The following LDLRAP1 variants were observed in gnomAD, a reference collection of about 807,000 sequenced individuals.
LDLRAP1 encodes low density lipoprotein receptor adapter protein 1.
A neutral mutation model predicts 37.8 loss-of-function variants in LDLRAP1; 30 were observed. That is an observed-to-expected ratio of 0.79 (90% CI 0.59 to 1.08). LDLRAP1 has a LOEUF of 1.08. Ranked by LOEUF, LDLRAP1 falls within the 50% of genes least tolerant of loss-of-function variation. LDLRAP1 has a pLI of 0.00. For synonymous variants in LDLRAP1, 156 were observed against 169.8 expected (o/e 0.92, Z 0.63); for missense variants, 375 against 401.6 (o/e 0.93, Z 0.57).
chr1:25,562,065 G>A (rs1197621051), intron 4 of LDLRAP1, among the ~76,000 whole-genome samples: 1 of 152,164 alleles, frequency 6.6e-6, no homozygotes, highest in Non-Finnish European at 1.5e-5. Context: ...TGGTCCCCGG[G>A]CCTTCATTGA....
chr1:25,560,354 G>T (rs930971694), intron 4 of LDLRAP1, among the ~76,000 whole-genome samples: 1 of 152,040 alleles, frequency 6.6e-6, no homozygotes, highest in Non-Finnish European at 1.5e-5. Context: ...GGGGAGAAAG[G>T]CTCCTTTCTA....
the LDLRAP1 span, among the ~76,000 whole-genome samples, chr1:25,577,250 G>C: frequency 6.6e-6 from 1 of 152,220 alleles, no homozygotes; most frequent in Non-Finnish European, 1.5e-5. Context: ...CTGATGAACG[G>C]AGCTGAGGAG....
At chr1:25,588,913 C>T in the LDLRAP1 span, among the ~76,000 whole-genome samples, 2 of 152,272 alleles carry the variant, frequency 1.3e-5, no homozygotes, top group East Asian at 1.9e-4. Context: ...CCATTTCCAT[C>T]TTGTCTTTAG....
the LDLRAP1 span, among the ~76,000 whole-genome samples, chr1:25,589,928 C>T: frequency 6.6e-6 from 1 of 152,324 alleles, no homozygotes; most frequent in South Asian, 2.1e-4. Context: ...TGGTGAAACC[C>T]CGTCTCTACT....
At chr1:25,559,635 G>T (rs976113434) in intron 4 of LDLRAP1, among the ~76,000 whole-genome samples, 3 of 152,158 alleles carry the variant, frequency 2.0e-5, no homozygotes, top group Non-Finnish European at 4.4e-5. Context: ...GGGGCCCTGC[G>T]GAGCCCTCTC....
chr1:25,557,191 T>G lies in LDLRAP1; in HGVS notation c.383T>G (p.Val128Gly). The part of the protein sequence containing the change: ...YCTADKMHDK[V>G]FAYIAQSQHN... ...ACAGCAGACAAGATGCACGACAAGG[T>G]GTTTGCATACATCGCCCAGAGCCAG... is the stretch of plus-strand genomic sequence containing the variant. The change falls in exon 4 of 9, where the codon GTG (valine) becomes GGG (glycine). Residue 128 changes from valine to glycine, a missense_variant. Val to Gly is a moderately radical substitution (Grantham distance 109). Transcript: ENST00000374338. 3 of 1,613,950 alleles carry G rather than the reference T, an allele frequency of 1.9e-6. No individual in the cohort carries two copies. The highest frequency in any genetic ancestry group is 2.5e-6 in the Non-Finnish European group (3 of 1,179,976).
Position 25,567,551 on chromosome 1 carries a change from G to A in LDLRAP1, c.*559G>A, listed in dbSNP as rs1172098954. 1 of 211,290 alleles carries A rather than the reference G, an allele frequency of 4.7e-6. No homozygotes were observed. The highest frequency in any genetic ancestry group is 5.3e-5 in the Admixed American group (1 of 18,742). The allele number at this position is 211,290 out of a possible 1,614,324, so 13.1% of individuals were successfully genotyped here. A position where few individuals can be genotyped will look rare whatever the true frequency, so the allele number is the denominator to read the frequency against. On this transcript the variant is annotated 3_prime_UTR_variant, in exon 9 of 9. Transcript: ENST00000374338. ...GCGGGGGTTTGAGCCCTGGACCCCAGGCTCTTAGAGACTAAGGGGCAGCTC... is the reference window on the plus strand; with the variant it reads ...GCGGGGGTTTGAGCCCTGGACCCCAAGCTCTTAGAGACTAAGGGGCAGCTC...
chr1:25,552,942 A>G (rs1281604999), intron 1 of LDLRAP1, among the ~76,000 whole-genome samples: 2 of 152,208 alleles, frequency 1.3e-5, no homozygotes, highest in Non-Finnish European at 2.9e-5. Flanking sequence ...TGTTAGTCCC[A>G]AAGAGGAGAG....
intron 4 of LDLRAP1, among the ~76,000 whole-genome samples, chr1:25,560,885 T>A (rs2044327022): frequency 1.3e-5 from 2 of 152,186 alleles, no homozygotes; most frequent in Non-Finnish European, 2.9e-5. Flanking sequence ...CTCGGATCCC[T>A]GCAGCCACCC....
In LDLRAP1 at chr1:25,557,715, G is replaced by C. The variant is rs551983181; in HGVS notation, c.459+448G>C. ...GACTGGAGTGTGGAGGGCAATGGCT[G>C]TTTCTTGGTGCCTCCTGTGAGTTCA... On this transcript the variant is annotated intron_variant, in intron 4 of 8. Transcript: ENST00000374338. 1.9e-3 allele frequency among the ~76,000 whole-genome samples: 283 copies of C among 152,128 alleles called. 1 individual carries two copies. Among genetic ancestry groups the C allele is most frequent in the Non-Finnish European group, 3.0e-3 (206 of 67,994 alleles).
At chr1:25,570,862 A>G (rs2044595691), downstream of LDLRAP1, among the ~76,000 whole-genome samples, 2 of 152,096 alleles carry the variant, frequency 1.3e-5, no homozygotes, top group African/African-American at 4.8e-5. Context: ...CCTTCTCAAA[A>G]TAAAAATAAA....
chr1:25,550,069 T>C (rs74060915), intron 1 of LDLRAP1: 6,821 of 152,144 alleles, frequency 0.045, 502 homozygotes, highest in African/African-American at 0.15. Flanking sequence ...TAGGCAGTGC[T>C]TGGCAGTGGG....
chr1:25,582,443 G>A, the LDLRAP1 span, among the ~76,000 whole-genome samples: 1 of 151,920 alleles, frequency 6.6e-6, no homozygotes, highest in Non-Finnish European at 1.5e-5. Context: ...AACTTAGCTG[G>A]GCATGGTGGC....
chr1:25,577,264 C>T, the LDLRAP1 span, among the ~76,000 whole-genome samples: 1 of 152,252 alleles, frequency 6.6e-6, no homozygotes, highest in African/African-American at 2.4e-5. Context: ...TGAGGAGAGC[C>T]TTGCTGAGTG....
chr1:25,559,320 G>A (rs552070352), intron 4 of LDLRAP1, among the ~76,000 whole-genome samples: 1 of 152,304 alleles, frequency 6.6e-6, no homozygotes, highest in African/African-American at 2.4e-5. Flanking sequence ...TCTGGGATGA[G>A]GGGTCTGGGA....
the LDLRAP1 span, among the ~76,000 whole-genome samples, chr1:25,575,133 C>A: frequency 6.6e-6 from 1 of 152,146 alleles, no homozygotes; most frequent in Admixed American, 6.5e-5. Context: ...AAGGCTGGAC[C>A]AGGGCTCTCA....
At chr1:25,546,505 C>G (rs2043936997) in intron 1 of LDLRAP1, among the ~76,000 whole-genome samples, 1 of 152,190 alleles carries the variant, frequency 6.6e-6, no homozygotes, top group African/African-American at 2.4e-5. Context: ...ATGGCTTTTC[C>G]TATCCCCTGG....
rs1056299445 is a variant in LDLRAP1, at chr1:25,549,750, C to T, written c.89-4172C>T. 9.6e-5 allele frequency among the ~76,000 whole-genome samples: 11 copies of T among 114,638 alleles called. No homozygotes were observed. The East Asian group carries it at 2.0e-3, about 21-fold the overall frequency. 75.2% of individuals were successfully genotyped at this position (114,638 alleles called of 152,430 possible). On this transcript the variant is annotated intron_variant, in intron 1 of 8. Coordinates refer to ENST00000374338, the MANE Select transcript of LDLRAP1 (RefSeq NM_015627.3). ...CTCCGGCTGTGGCTGGCGAGTAGGG[C>T]GGGTGGCGGGTGTGGCCCTGAGCCC...
At chr1:25,578,409 G>A in the LDLRAP1 span, among the ~76,000 whole-genome samples, 1 of 152,294 alleles carries the variant, frequency 6.6e-6, no homozygotes, top group South Asian at 2.1e-4. Context: ...TGAAATTTGG[G>A]TGCAGGAGTC....
Sources: gnomAD v4.1 joint callset for allele counts (sites outside exome capture counted in the v4.1 genomes callset) on GRCh38, gnomAD v4.1.1 for gene constraint, MANE v1.5 for transcripts, NCBI Gene and HGNC (gene_info 2026-07-23, HGNC 2026-07-21) for gene names.